The following NRF1 variants were observed in gnomAD, a reference collection of about 807,000 sequenced individuals.
NRF1 encodes nuclear respiratory factor 1.
A neutral mutation model predicts 58.5 loss-of-function variants in NRF1; 5 were observed. The ratio of observed to expected loss-of-function variants is 0.09; its 90% CI spans 0.04 to 0.18. The LOEUF (loss-of-function observed/expected upper bound fraction) is 0.18. Among genes scored for constraint, NRF1 ranks in the 10% least tolerant of loss-of-function variants. The pLI is 1.00. For missense variants in NRF1, 288 were observed against 657.7 expected (o/e 0.44, Z 6.15); for synonymous variants, 224 against 246.7 (o/e 0.91, Z 0.86).
At chr7:129,621,876 G>A (rs916868783) in intron 1 of NRF1, among the ~76,000 whole-genome samples, 1 of 150,698 alleles carries the variant, frequency 6.6e-6, no homozygotes, top group Non-Finnish European at 1.5e-5. Context: ...TCCGCCTCTC[G>A]GGTTCAAGCG....
intron 1 of NRF1, among the ~76,000 whole-genome samples, chr7:129,650,893 T>C (rs970201743): frequency 6.6e-6 from 1 of 152,324 alleles, no homozygotes; most frequent in East Asian, 1.9e-4. Flanking sequence ...ATCCAGGGAA[T>C]CTAACTCCTC....
At chr7:129,710,283 T>C (rs1039952353) in intron 6 of NRF1, 91 bp from the exon 7 acceptor site, 44 of 1,177,438 alleles carry the variant, frequency 3.7e-5, no homozygotes, top group Middle Eastern at 2.0e-4. Context: ...TTGGTTTGAT[T>C]TGATAAAGAA....
At chr7:129,735,233 T>C (rs774777299) in intron 10 of NRF1, 9 of 985,416 alleles carry the variant, frequency 9.1e-6, no homozygotes, top group Non-Finnish European at 1.1e-5. Context: ...ACTGGAGGGC[T>C]GTTTAAAAAT....
At chr7:129,619,355 A>T (rs2151054529) in intron 1 of NRF1, among the ~76,000 whole-genome samples, 1 of 142,408 alleles carries the variant, frequency 7.0e-6, no homozygotes, top group East Asian at 2.1e-4. Context: ...TCTATTAAAA[A>T]AAAAAAAATC....
intron 1 of NRF1, among the ~76,000 whole-genome samples, chr7:129,622,852 G>A (rs747068731): frequency 1.3e-5 from 2 of 152,174 alleles, no homozygotes; most frequent in African/African-American, 2.4e-5. Flanking sequence ...TTACCAGCTT[G>A]AGCCACTGCG....
chr7:129,637,739 C>A (rs73466655), intron 1 of NRF1, among the ~76,000 whole-genome samples: 1,875 of 152,242 alleles, frequency 0.012, 41 homozygotes, highest in African/African-American at 0.043. Flanking sequence ...AAATCTATTT[C>A]ATCCTTTAAG....
At chr7:129,654,668 A>T (rs924770830) in intron 1 of NRF1, among the ~76,000 whole-genome samples, 8 of 152,056 alleles carry the variant, frequency 5.3e-5, no homozygotes, top group African/African-American at 1.9e-4. Context: ...CATTTTTTTG[A>T]TGTGTGACTG....
intron 5 of NRF1, among the ~76,000 whole-genome samples, chr7:129,692,305 G>T (rs1163289246): frequency 6.6e-6 from 1 of 152,156 alleles, no homozygotes; most frequent in Non-Finnish European, 1.5e-5. Context: ...TGTAGCTCAT[G>T]CCTGTAATCA....
intron 1 of NRF1, among the ~76,000 whole-genome samples, chr7:129,641,982 CTTATT>C (rs1191641042): frequency 7.1e-6 from 1 of 140,142 alleles, no homozygotes; most frequent in African/African-American, 2.7e-5. Context: ...CCCAGCCTAG[CTTATT>C]TTATTTTTTG....
At chr7:129,639,874 A>AT (rs1444907429) in intron 1 of NRF1, among the ~76,000 whole-genome samples, 2 of 152,072 alleles carry the variant, frequency 1.3e-5, no homozygotes, top group Admixed American at 6.6e-5. Flanking sequence ...AAAAAGTAAT[A>AT]TTTTTCTCTT....
At chr7:129,680,396 A>G (rs1056743340) in intron 4 of NRF1, among the ~76,000 whole-genome samples, 4 of 152,220 alleles carry the variant, frequency 2.6e-5, no homozygotes, top group Non-Finnish European at 5.9e-5. Flanking sequence ...CAGTCTCTCA[A>G]AATGGTAAAA....
Position 129,637,787 on chromosome 7 carries a change from G to A in NRF1, c.-6-19559G>A, listed in dbSNP as rs73159615. Among the ~76,000 whole-genome samples the A allele has an allele frequency of 4.5e-3, 690 of 152,020 alleles. 4 individuals are homozygous for A. Among genetic ancestry groups the A allele is most frequent in the South Asian group, 0.016 (76 of 4,812 alleles). Reference sequence around the variant, plus strand: ...AACCCGCAGCCCACAAGCTGCATGCGGCCCAGGATGCCTTTGAATGTAGCC... The same window carrying A: ...AACCCGCAGCCCACAAGCTGCATGCAGCCCAGGATGCCTTTGAATGTAGCC... On this transcript the variant is annotated intron_variant, in intron 1 of 10. Transcript: ENST00000393232.
intron 2 of NRF1, among the ~76,000 whole-genome samples, chr7:129,667,509 CAAT>C (rs1801948407): frequency 1.3e-5 from 2 of 151,952 alleles, no homozygotes; most frequent in South Asian, 4.2e-4. Flanking sequence ...ATTCCTTTCC[CAAT>C]AATATGTATT....
chr7:129,711,890 T>C (rs1234035081), intron 8 of NRF1, among the ~76,000 whole-genome samples: 1 of 152,182 alleles, frequency 6.6e-6, no homozygotes, highest in African/African-American at 2.4e-5. Flanking sequence ...GAATTTCATC[T>C]TTGGTCTTTA....
chr7:129,696,060 TAAAA>T (rs11434445), intron 5 of NRF1, among the ~76,000 whole-genome samples: 3 of 53,388 alleles, frequency 5.6e-5, no homozygotes, highest in Admixed American at 2.5e-4. Context: ...CCGTCTCTAC[TAAAA>T]AAAAAAAAAA....
chr7:129,646,363 A>G (rs1283586076), intron 1 of NRF1, among the ~76,000 whole-genome samples: 1 of 152,200 alleles, frequency 6.6e-6, no homozygotes, highest in Non-Finnish European at 1.5e-5. Flanking sequence ...TTCTTTAAGT[A>G]TTAATCGGGG....
chr7:129,708,965 C>A, intron 5 of NRF1, 110 bp from the exon 6 acceptor site: 1 of 930,028 alleles, frequency 1.1e-6, no homozygotes, highest in Non-Finnish European at 1.5e-6. Flanking sequence ...TTAGAATTCT[C>A]TGGGACCTTC....
In NRF1 at chr7:129,660,714, C is replaced by T. The variant is rs1458328053; in HGVS notation, c.223+3140C>T. Among the ~76,000 whole-genome samples, 2 of 150,824 alleles carry T rather than the reference C, an allele frequency of 1.3e-5. 1 individual carries two copies. The highest frequency in any genetic ancestry group is 1.3e-4 in the Admixed American group (2 of 15,242). ...TGTGGCTTTGCAGGGTACAGCCTCC[C>T]TCCCAGCTGCTTTCATGGGCTGTTG... On this transcript the variant is annotated intron_variant, in intron 2 of 10. Coordinates refer to ENST00000393232, the MANE Select transcript of NRF1 (RefSeq NM_005011.5).
chr7:129,687,143 CATT>C (rs1399249969), intron 4 of NRF1, among the ~76,000 whole-genome samples: 2 of 152,146 alleles, frequency 1.3e-5, no homozygotes, highest in Non-Finnish European at 1.5e-5. Context: ...TTTCAGTCAT[CATT>C]GTCTGTGTTT....
Sources: allele counts gnomAD v4.1 joint callset (sites outside exome capture counted in the v4.1 genomes callset), GRCh38; gene constraint gnomAD v4.1.1; transcripts MANE v1.5; gene names NCBI Gene and HGNC (gene_info 2026-07-23, HGNC 2026-07-21).